SLC44A5: variants seen among roughly 807,000 people sequenced by gnomAD.
SLC44A5 encodes the protein solute carrier family 44 member 5.
Under a neutral mutation model 101.8 loss-of-function variants are expected in SLC44A5, and 57 were observed. The ratio of observed to expected loss-of-function variants is 0.56; its 90% CI spans 0.45 to 0.70. SLC44A5 has a LOEUF of 0.70. SLC44A5 is among the 30% of genes least tolerant of loss of function. The probability of loss-of-function intolerance (pLI) is 0.00; values close to 1 mark genes in which losing one functional copy is unlikely to be tolerated. For synonymous variants in SLC44A5, 281 were observed against 290.9 expected, an observed-to-expected ratio of 0.97 and a Z score of 0.35; for missense variants, 737 against 853.1, an observed-to-expected ratio of 0.86 and a Z score of 1.70.
chr1:75,330,144 CATATACGTATATGCATAT>C (rs1438215125), intron 4 of SLC44A5, among the ~76,000 whole-genome samples: 1 of 100,674 alleles, frequency 9.9e-6, no homozygotes, highest in African/African-American at 2.7e-5. Flanking sequence ...CACACACATG[CATATACGTATATGCATAT>C]ATATACGTAT....
chr1:75,483,648 A>C (rs1463686230), intron 2 of SLC44A5, among the ~76,000 whole-genome samples: 1 of 152,214 alleles, frequency 6.6e-6, no homozygotes, highest in Non-Finnish European at 1.5e-5. Flanking sequence ...ACATTTCAAA[A>C]AATGTTAATT....
chr1:75,266,751 C>A (rs1651026512), intron 6 of SLC44A5, among the ~76,000 whole-genome samples: 1 of 152,128 alleles, frequency 6.6e-6, no homozygotes, highest in South Asian at 2.1e-4. Context: ...TAATGCCAGA[C>A]AATGCTGTAG....
intron 2 of SLC44A5, among the ~76,000 whole-genome samples, chr1:75,439,459 T>G (rs1557784630): frequency 1.3e-5 from 2 of 152,162 alleles, no homozygotes; most frequent in Non-Finnish European, 2.9e-5. Flanking sequence ...GGTGCATGCC[T>G]GTAATCCAAG....
At chr1:75,621,148 A>C in the SLC44A5 span, among the ~76,000 whole-genome samples, 3 of 152,170 alleles carry the variant, frequency 2.0e-5, no homozygotes, top group Admixed American at 2.0e-4. Context: ...GGGCACAGAG[A>C]CACACATTTT....
chr1:75,335,845 C>A (rs925586947), intron 4 of SLC44A5, among the ~76,000 whole-genome samples: 2 of 152,088 alleles, frequency 1.3e-5, no homozygotes, highest in Non-Finnish European at 2.9e-5. Flanking sequence ...GCTCTGTGGC[C>A]CTGCCCAGGA....
At chr1:75,573,962 C>A (rs1209235019) in intron 1 of SLC44A5, among the ~76,000 whole-genome samples, 1 of 152,172 alleles carries the variant, frequency 6.6e-6, no homozygotes, top group African/African-American at 2.4e-5. Flanking sequence ...CACTGATGCA[C>A]TCAATGCATC....
the SLC44A5 span, among the ~76,000 whole-genome samples, chr1:75,638,869 C>G: frequency 0.36 from 55,305 of 151,906 alleles, 11,585 homozygotes; most frequent in East Asian, 0.93. Context: ...CAATAAACAT[C>G]AGAATGTAGA....
At chr1:75,285,740 A>T (rs532499836) in intron 5 of SLC44A5, among the ~76,000 whole-genome samples, 1 of 152,260 alleles carries the variant, frequency 6.6e-6, no homozygotes, top group African/African-American at 2.4e-5. Flanking sequence ...ATAATAATTC[A>T]GGAGCAGGTT....
At chr1:75,369,441 G>A (rs1041118147) in intron 3 of SLC44A5, among the ~76,000 whole-genome samples, 4 of 152,076 alleles carry the variant, frequency 2.6e-5, no homozygotes, top group African/African-American at 4.8e-5. Flanking sequence ...ACTTTTACGA[G>A]TTCCTGAGGT....
intron 2 of SLC44A5, among the ~76,000 whole-genome samples, chr1:75,490,712 G>T (rs1179294666): frequency 6.6e-6 from 1 of 152,152 alleles, no homozygotes; most frequent in Non-Finnish European, 1.5e-5. Context: ...ACTAAAATAT[G>T]TGTCTCCACA....
At chr1:75,458,291 A>C (rs1202783832) in intron 2 of SLC44A5, among the ~76,000 whole-genome samples, 4 of 152,214 alleles carry the variant, frequency 2.6e-5, no homozygotes, top group Non-Finnish European at 5.9e-5. Context: ...TGGGGGCATA[A>C]AGCATGAAGA....
At chr1:75,240,148 A>T (rs1648489417) in intron 9 of SLC44A5, among the ~76,000 whole-genome samples, 1 of 152,112 alleles carries the variant, frequency 6.6e-6, no homozygotes, top group African/African-American at 2.4e-5. Flanking sequence ...CCTTCCACCT[A>T]CAGTGTACTA....
chr1:75,504,363 C>A (rs1669132396), intron 2 of SLC44A5, among the ~76,000 whole-genome samples: 1 of 151,964 alleles, frequency 6.6e-6, no homozygotes, highest in South Asian at 2.1e-4. Flanking sequence ...ACATATATTT[C>A]TTAATGTTTG....
chr1:75,627,201 T>C, the SLC44A5 span, among the ~76,000 whole-genome samples: 1 of 152,190 alleles, frequency 6.6e-6, no homozygotes, highest in African/African-American at 2.4e-5. Context: ...ATATCTTGAT[T>C]ATCTGTGTGG....
intron 2 of SLC44A5, among the ~76,000 whole-genome samples, chr1:75,509,780 T>C (rs1307365296): frequency 6.6e-6 from 1 of 152,196 alleles, no homozygotes; most frequent in East Asian, 1.9e-4. Context: ...GTCTAGTGAA[T>C]GACGCAGATT....
At chr1:75,513,247 T>G (rs1669657537) in intron 2 of SLC44A5, among the ~76,000 whole-genome samples, 1 of 152,044 alleles carries the variant, frequency 6.6e-6, no homozygotes. Context: ...TCATGTGGAG[T>G]CTGAATTAAA....
At chr1:75,219,176 C>T in intron 16 of SLC44A5, 81 bp downstream of exon 16, 1 of 1,020,440 alleles carries the variant, frequency 9.8e-7, no homozygotes, top group Non-Finnish European at 1.5e-6. Context: ...TGCTTCGGGA[C>T]AATTCCTACC....
rs1418933410 is a variant in SLC44A5, at chr1:75,588,992, G to A, written c.-70+22048C>T. 2.0e-5 allele frequency among the ~76,000 whole-genome samples: 3 copies of A among 152,210 alleles called. No individual in the cohort carries two copies. The East Asian group carries it at 5.8e-4, about 29-fold the overall frequency. On this transcript the variant is annotated intron_variant, in intron 1 of 23. Coordinates refer to ENST00000370859, the MANE Select transcript of SLC44A5 (RefSeq NM_001130058.2). ...AAGAGAAATGCCAGAGTTTCAGGTTGAGGCTTAAGGCATGAGTAAGCAAAG... is the reference window on the plus strand; with the variant it reads ...AAGAGAAATGCCAGAGTTTCAGGTTAAGGCTTAAGGCATGAGTAAGCAAAG...
the SLC44A5 span, among the ~76,000 whole-genome samples, chr1:75,659,422 A>AGGGG: frequency 8.8e-5 from 3 of 34,044 alleles, no homozygotes; most frequent in African/African-American, 1.2e-4. Context: ...AGAAAGAGGG[A>AGGGG]GGGTGGGAGG....
Sources: allele counts gnomAD v4.1 joint callset (sites outside exome capture counted in the v4.1 genomes callset), GRCh38; gene constraint gnomAD v4.1.1; transcripts MANE v1.5; gene names NCBI Gene and HGNC (gene_info 2026-07-23, HGNC 2026-07-21).